CCDC178: variants seen among roughly 807,000 people sequenced by gnomAD.
CCDC178 encodes coiled-coil domain containing 178.
In CCDC178, 126 loss-of-function variants were observed where a neutral mutation model predicts 117.4. That is an observed-to-expected ratio of 1.07 (90% CI 0.93 to 1.24). The LOEUF is 1.24. Among genes scored for constraint, CCDC178 ranks in the 50% most tolerant of loss-of-function variants. CCDC178 has a pLI of 0.00. For synonymous variants in CCDC178, 283 were observed against 313.4 expected (o/e 0.90, Z 1.02); for missense variants, 1,030 against 986.9 (o/e 1.04, Z -0.59).
intron 14 of CCDC178, among the ~76,000 whole-genome samples, chr18:33,265,980 G>A (rs377209584): frequency 1.1e-4 from 17 of 151,988 alleles, no homozygotes; most frequent in African/African-American, 3.9e-4. Flanking sequence ...AAATAGAGGA[G>A]TCATGAAAAC....
At chr18:33,377,457 A>T (rs1350971994) in intron 5 of CCDC178, among the ~76,000 whole-genome samples, 1 of 152,152 alleles carries the variant, frequency 6.6e-6, no homozygotes, top group Non-Finnish European at 1.5e-5. Context: ...ATTAAATCCC[A>T]CTTGTCAATG....
intron 21 of CCDC178, among the ~76,000 whole-genome samples, chr18:32,987,723 C>T (rs539277102): frequency 1.2e-3 from 178 of 152,234 alleles, no homozygotes; most frequent in African/African-American, 4.2e-3. Flanking sequence ...GACAACAAAA[C>T]AACTAAATTA....
intron 20 of CCDC178, among the ~76,000 whole-genome samples, chr18:33,193,738 T>C (rs2058891391): frequency 6.6e-6 from 1 of 152,264 alleles, no homozygotes; most frequent in Admixed American, 6.5e-5. Context: ...TAAGTGGTTA[T>C]ACTACCTTTT....
chr18:33,369,418 C>G (rs1205983421), intron 6 of CCDC178, among the ~76,000 whole-genome samples: 1 of 151,776 alleles, frequency 6.6e-6, no homozygotes, highest in Non-Finnish European at 1.5e-5. Context: ...AAAAATAGCA[C>G]AGGTCTCTGG....
At chr18:33,165,094 C>T (rs934119460) in intron 20 of CCDC178, among the ~76,000 whole-genome samples, 12 of 152,068 alleles carry the variant, frequency 7.9e-5, no homozygotes, top group African/African-American at 2.9e-4. Flanking sequence ...CTCAATAGCA[C>T]GTACAATACT....
At chr18:33,354,097 A>T (rs553203654) in intron 7 of CCDC178, among the ~76,000 whole-genome samples, 1 of 152,202 alleles carries the variant, frequency 6.6e-6, no homozygotes, top group Non-Finnish European at 1.5e-5. Flanking sequence ...CTGGCATTTA[A>T]ATATGTCACC....
intron 20 of CCDC178, among the ~76,000 whole-genome samples, chr18:33,192,758 G>A (rs375593265): frequency 2.0e-5 from 3 of 151,658 alleles, no homozygotes; most frequent in African/African-American, 7.2e-5. Context: ...AAAATTAGCC[G>A]GGCATGGTGG....
At chr18:33,213,991 G>A (rs2059136512) in intron 19 of CCDC178, among the ~76,000 whole-genome samples, 1 of 151,974 alleles carries the variant, frequency 6.6e-6, no homozygotes, top group African/African-American at 2.4e-5. Flanking sequence ...CTTGTTGTGG[G>A]AACTTATTGA....
intron 7 of CCDC178, among the ~76,000 whole-genome samples, chr18:33,351,466 T>A (rs1041091621): frequency 1.3e-5 from 2 of 152,212 alleles, no homozygotes; most frequent in African/African-American, 4.8e-5. Context: ...GTGCTGGGAT[T>A]ACAGGCGTGA....
chr18:33,255,317 A>G (rs1338195023), intron 14 of CCDC178, among the ~76,000 whole-genome samples: 2 of 152,056 alleles, frequency 1.3e-5, no homozygotes, highest in Admixed American at 1.3e-4. Flanking sequence ...GGAAGGAATA[A>G]TAAGAGATGA....
At chr18:33,345,247 A>G (rs2062875819) in intron 9 of CCDC178, among the ~76,000 whole-genome samples, 1 of 152,208 alleles carries the variant, frequency 6.6e-6, no homozygotes, top group South Asian at 2.1e-4. Context: ...ATGAGAGAGT[A>G]AAAATCTTTC....
chr18:32,952,207 A>C (rs904281847), intron 22 of CCDC178, among the ~76,000 whole-genome samples: 3 of 152,228 alleles, frequency 2.0e-5, no homozygotes, highest in African/African-American at 7.2e-5. Flanking sequence ...GCAGTGCCCC[A>C]GTGGGGACTC....
chr18:32,991,108 C>T (rs1306963473), intron 21 of CCDC178, among the ~76,000 whole-genome samples: 4 of 151,466 alleles, frequency 2.6e-5, no homozygotes, highest in African/African-American at 9.7e-5. Context: ...GTTACTTCTA[C>T]ATAAAATGGG....
rs527376255 is a variant in CCDC178 at position 33,221,306 on chromosome 18, T to C, written c.1932+1800A>G. On this transcript the variant is annotated intron_variant, in intron 18 of 22. Coordinates refer to ENST00000383096, the MANE Select transcript of CCDC178 (RefSeq NM_001105528.4). ...AGTAAGCTGACTCTAACAGTCGAGT[T>C]TGGGCTCTAGTCCCACCTCTATTGA... 4.2e-4 allele frequency among the ~76,000 whole-genome samples: 64 copies of C among 152,228 alleles called. 1 individual carries two copies. The South Asian group carries it at 0.013, about 31-fold the overall frequency.
At chr18:32,999,996 A>G (rs971323533) in intron 21 of CCDC178, among the ~76,000 whole-genome samples, 1 of 152,162 alleles carries the variant, frequency 6.6e-6, no homozygotes, top group Non-Finnish European at 1.5e-5. Flanking sequence ...AGACCTCACC[A>G]AATGAACTAA....
intron 14 of CCDC178, among the ~76,000 whole-genome samples, chr18:33,247,256 A>G (rs112345633): frequency 6.6e-6 from 1 of 151,844 alleles, no homozygotes; most frequent in African/African-American, 2.4e-5. Context: ...ACTTTAGGTG[A>G]TACTGATTTT....
intron 20 of CCDC178, among the ~76,000 whole-genome samples, chr18:33,170,204 C>T: frequency 6.6e-6 from 1 of 151,972 alleles, no homozygotes; most frequent in East Asian, 1.9e-4. Context: ...TATATGGTTT[C>T]AGGGAGTTTA....
chr18:33,398,001 C>A (rs987854424), intron 3 of CCDC178, among the ~76,000 whole-genome samples: 9 of 151,884 alleles, frequency 5.9e-5, no homozygotes, highest in Non-Finnish European at 1.2e-4. Flanking sequence ...GTATCTTTTT[C>A]CAGTTTAATA....
At chr18:33,371,802 C>T (rs2063305343) in intron 5 of CCDC178, among the ~76,000 whole-genome samples, 1 of 151,474 alleles carries the variant, frequency 6.6e-6, no homozygotes, top group South Asian at 2.1e-4. Flanking sequence ...CACACACACA[C>T]ACACACACAC....
Sources: allele counts gnomAD v4.1 joint callset (sites outside exome capture counted in the v4.1 genomes callset), GRCh38; gene constraint gnomAD v4.1.1; transcripts MANE v1.5; gene names NCBI Gene and HGNC (gene_info 2026-07-23, HGNC 2026-07-21).